ECD: variants seen among roughly 807,000 people sequenced by gnomAD.
The protein encoded by ECD is protein ecdysoneless homolog.
ECD carries 59 observed loss-of-function variants against 77.2 expected under a neutral mutation model. The ratio of observed to expected loss-of-function variants is 0.76; its 90% CI spans 0.62 to 0.95. The LOEUF (loss-of-function observed/expected upper bound fraction) is 0.95, where lower values mean the gene tolerates loss of function less well. ECD is among the 40% of genes least tolerant of loss of function. The probability of loss-of-function intolerance (pLI) is 0.00; values close to 1 mark genes in which losing one functional copy is unlikely to be tolerated. For missense variants in ECD, 704 were observed against 763.4 expected, an observed-to-expected ratio of 0.92 and a Z score of 0.92; for synonymous variants, 233 against 267.4, an observed-to-expected ratio of 0.87 and a Z score of 1.26.
At chr10:73,141,922 C>T (rs2133251708) in intron 9 of ECD, among the ~76,000 whole-genome samples, 1 of 152,264 alleles carries the variant, frequency 6.6e-6, no homozygotes, top group East Asian at 1.9e-4. Flanking sequence ...CATTATGTCA[C>T]TCACTCAACA....
At chr10:73,154,143 A>G (rs946143143) in intron 6 of ECD, 113 bp downstream of exon 6, 9 of 1,082,950 alleles carry the variant, frequency 8.3e-6, no homozygotes, top group African/African-American at 1.6e-5. Flanking sequence ...CTAGAGAACA[A>G]TTAAAATAAT....
intron 6 of ECD, 83 bp from the exon 7 acceptor site, chr10:73,152,504 A>T: frequency 6.8e-7 from 1 of 1,480,126 alleles, no homozygotes; most frequent in East Asian, 2.4e-5. Context: ...TATAATGAGA[A>T]GTCCATTTAT....
In ECD at chr10:73,139,293, C is replaced by A. The variant is rs373470186; in HGVS notation, c.1421+16G>T. ...GGTTCTAGCTATTTATATATTTATA[C>A]TTTAACACAAATTACCGAGGCAGCT... On this transcript the variant is annotated intron_variant, in intron 11 of 13. Transcript: ENST00000372979. 13 of 1,590,648 alleles carry A rather than the reference C, an allele frequency of 8.2e-6. No individual in the cohort carries two copies. Among genetic ancestry groups the A allele is most frequent in the Non-Finnish European group, 1.1e-5 (13 of 1,172,060 alleles).
At chr10:73,137,378 C>A (rs1383626111) in intron 12 of ECD, among the ~76,000 whole-genome samples, 3 of 152,128 alleles carry the variant, frequency 2.0e-5, no homozygotes, top group Non-Finnish European at 4.4e-5. Flanking sequence ...TTTGAGTTAT[C>A]TTTTTATTAC....
chr10:73,154,254 A>G lies in ECD; in HGVS notation c.783+2T>C. ...ACTAAATGACCAAGATAGAAATCTC[A>G]CCGATGTCATTATTCGTGTTTCAGG... On this transcript the variant is annotated splice_donor_variant, in intron 6 of 13. Coordinates refer to ENST00000372979, the MANE Select transcript of ECD (RefSeq NM_007265.3). LOFTEE classifies it high-confidence loss of function. 6.3e-7 allele frequency: 1 copy of G among 1,590,026 alleles called. No individual in the cohort carries two copies.
chr10:73,143,542 C>G (rs1843085576), intron 9 of ECD, among the ~76,000 whole-genome samples: 1 of 152,004 alleles, frequency 6.6e-6, no homozygotes, highest in Admixed American at 6.6e-5. Context: ...TTTTCATTTT[C>G]ATTTTTAATT....
At position 73,134,517 on chromosome 10, in the gene ECD, C is replaced by T; in HGVS notation, c.*66G>A. On this transcript the variant is annotated 3_prime_UTR_variant, in exon 14 of 14. Coordinates refer to ENST00000372979, the MANE Select transcript of ECD (RefSeq NM_007265.3). ...ATTTTTACTAAATGAGTAATCTAAA[C>T]TAGAAATGAACAGAATCATATTCAA... 2 of 1,404,004 alleles carry T rather than the reference C, an allele frequency of 1.4e-6. No individual in the cohort carries two copies. 87.0% of individuals were successfully genotyped at this position (1,404,004 alleles called of 1,614,324 possible).
rs532454834 is a variant in ECD, at chr10:73,149,020, C to G, written c.913-616G>C. Among the ~76,000 whole-genome samples the G allele has an allele frequency of 1.6e-4, 25 of 152,226 alleles. No individual in the cohort carries two copies. The South Asian group carries it at 5.0e-3, about 30-fold the overall frequency. ...TTGTTGCTCAATGGACGCATACACA[C>G]TACTCTACACCTTGCTTTTTACACT... is the stretch of plus-strand genomic sequence containing the variant. On this transcript the variant is annotated intron_variant, in intron 7 of 13. Coordinates refer to ENST00000372979, the MANE Select transcript of ECD (RefSeq NM_007265.3).
intron 9 of ECD, among the ~76,000 whole-genome samples, chr10:73,144,549 G>A (rs1330220191): frequency 6.6e-6 from 1 of 152,164 alleles, no homozygotes; most frequent in Non-Finnish European, 1.5e-5. Flanking sequence ...GGGTAGCAGA[G>A]AGCGGGGGGA....
At chr10:73,156,842 T>C (rs1843303332) in intron 3 of ECD, among the ~76,000 whole-genome samples, 187 bp from the exon 4 acceptor site, 1 of 152,166 alleles carries the variant, frequency 6.6e-6, no homozygotes, top group Non-Finnish European at 1.5e-5. Context: ...TGTAAGATTG[T>C]AAGGAGGAGT....
intron 2 of ECD, among the ~76,000 whole-genome samples, chr10:73,162,583 A>G (rs969341659): frequency 6.6e-6 from 1 of 152,226 alleles, no homozygotes; most frequent in Non-Finnish European, 1.5e-5. Context: ...TTGCCAAAAG[A>G]TAACAGATAC....
rs770616157 is a variant in ECD at position 73,139,658 on chromosome 10, C to G, written c.1207G>C (p.Glu403Gln). The G allele has an allele frequency of 6.2e-7, 1 of 1,611,696 alleles. No homozygotes were observed. The highest frequency in any genetic ancestry group is 1.1e-5 in the South Asian group (1 of 90,548). The part of the protein sequence containing the change: ...IPFDIEDLKK[E>Q]AANLPPEDDD... ...TCCTCTGGGGGAAGATTAGCTGCTT[C>G]TTTCTTAAGGTCTTCTATATCAAAT... is the stretch of plus-strand genomic sequence containing the variant. The change falls in exon 10 of 14, where the codon GAA becomes CAA. Residue 403 changes from glutamate (E) to glutamine (Q), a missense_variant. Coordinates refer to ENST00000372979, the MANE Select transcript of ECD (RefSeq NM_007265.3).
Position 73,146,259 on chromosome 10 carries a change from T to G in ECD, c.1127+17A>C, listed in dbSNP as rs746775344. The stretch of plus-strand genomic sequence containing the variant: ...TAAATACCAATCTTTGTAGTAGGAG[T>G]CTTAACAATAACTCACCTTTCTGGC... On this transcript the variant is annotated intron_variant, in intron 9 of 13. Transcript: ENST00000372979. 1 of 1,484,708 alleles carries G rather than the reference T, an allele frequency of 6.7e-7. No individual in the cohort carries two copies. Among genetic ancestry groups the G allele is most frequent in the Non-Finnish European group, 9.3e-7 (1 of 1,080,972 alleles). 92.0% of individuals were successfully genotyped at this position (1,484,708 alleles called of 1,614,324 possible).
At chr10:73,137,720 G>A (rs1265559284) in intron 12 of ECD, among the ~76,000 whole-genome samples, 4 of 151,188 alleles carry the variant, frequency 2.6e-5, no homozygotes, top group African/African-American at 9.8e-5. Flanking sequence ...AGCTTGCAGT[G>A]AGCCGAGATC....
chr10:73,135,118 A>C (rs1842961528), intron 13 of ECD, among the ~76,000 whole-genome samples: 1 of 152,228 alleles, frequency 6.6e-6, no homozygotes, highest in Admixed American at 6.5e-5. Context: ...GTACATTTAT[A>C]ACTTGTCTAA....
intron 9 of ECD, 132 bp downstream of exon 9, chr10:73,146,144 T>G (rs925907594): frequency 3.2e-6 from 1 of 309,802 alleles, no homozygotes; most frequent in African/African-American, 2.2e-5. Flanking sequence ...AGGCGGAGGT[T>G]GCCAGCCTGG....
chr10:73,152,204 T>C, intron 7 of ECD, 89 bp downstream of exon 7: 5 of 1,461,602 alleles, frequency 3.4e-6, no homozygotes, highest in Non-Finnish European at 4.7e-6. Context: ...AAACAGGGTG[T>C]ATTTCTGGAC....
intron 1 of ECD, among the ~76,000 whole-genome samples, chr10:73,167,622 G>A (rs1843502627): frequency 6.6e-6 from 1 of 152,066 alleles, no homozygotes; most frequent in Non-Finnish European, 1.5e-5. Context: ...AACCCAGAGG[G>A]ACAGACAGTA....
intron 11 of ECD, 144 bp from the exon 12 acceptor site, chr10:73,138,214 AAAAATC>A: frequency 1.7e-6 from 1 of 596,036 alleles, no homozygotes; most frequent in Non-Finnish European, 2.7e-6. Flanking sequence ...TTTAAGTTTT[AAAAATC>A]CTTGAGTTTA....
Sources: gnomAD v4.1 joint callset for allele counts (sites outside exome capture counted in the v4.1 genomes callset) on GRCh38, gnomAD v4.1.1 for gene constraint, MANE v1.5 for transcripts, NCBI Gene and HGNC (gene_info 2026-07-23, HGNC 2026-07-21) for gene names.